Variants in TMEM135 observed in about 807,000 individuals in gnomAD.
TMEM135 encodes transmembrane protein 135, also known as peroxisomal membrane protein 52.
A neutral mutation model predicts 60.3 loss-of-function variants in TMEM135; 30 were observed. The ratio of observed to expected loss-of-function variants is 0.50; its 90% CI spans 0.37 to 0.68. The LOEUF (loss-of-function observed/expected upper bound fraction) is 0.68. TMEM135 is among the 30% of genes least tolerant of loss of function. TMEM135 has a pLI of 0.00. For missense variants in TMEM135, 468 were observed against 548.8 expected, an observed-to-expected ratio of 0.85 and a Z score of 1.47; for synonymous variants, 190 against 186.7, an observed-to-expected ratio of 1.02 and a Z score of -0.14.
chr11:87,191,987 C>CTTTTTTTTTTTTTTTTTTTTT (rs200969171), intron 5 of TMEM135, among the ~76,000 whole-genome samples: 9 of 77,190 alleles, frequency 1.2e-4, no homozygotes, highest in East Asian at 3.7e-4. Context: ...CTTTTCTTTT[C>CTTTTTTTTTTTTTTTTTTTTT]TTTTTTTTTT....
intron 5 of TMEM135, among the ~76,000 whole-genome samples, chr11:87,163,306 C>G (rs1372781264): frequency 7.0e-6 from 1 of 142,806 alleles, no homozygotes; most frequent in African/African-American, 2.6e-5. Flanking sequence ...TTTGTTCTTG[C>G]GATAGTTTAC....
chr11:87,287,790 A>G (rs1942194915), intron 6 of TMEM135, among the ~76,000 whole-genome samples: 1 of 152,216 alleles, frequency 6.6e-6, no homozygotes, highest in African/African-American at 2.4e-5. Context: ...TTCAGCCTAA[A>G]TCATTTATTT....
intron 6 of TMEM135, among the ~76,000 whole-genome samples, chr11:87,248,398 C>G (rs1941338627): frequency 6.6e-6 from 1 of 152,140 alleles, no homozygotes; most frequent in Non-Finnish European, 1.5e-5. Context: ...GCCATTTTAA[C>G]TAGGGTGAGA....
intron 14 of TMEM135, among the ~76,000 whole-genome samples, chr11:87,320,380 AT>A (rs1565171126): frequency 6.6e-6 from 1 of 152,094 alleles, no homozygotes; most frequent in African/African-American, 2.4e-5. Context: ...TTGTTTAATC[AT>A]TTTTTGTCAT....
intron 4 of TMEM135, among the ~76,000 whole-genome samples, chr11:87,114,207 T>C (rs190620434): frequency 3.0e-4 from 46 of 151,878 alleles, no homozygotes; most frequent in Admixed American, 3.0e-3. Flanking sequence ...AAGAGAAAAA[T>C]AACAGATCCT....
intron 4 of TMEM135, among the ~76,000 whole-genome samples, chr11:87,105,559 C>T (rs1236806137): frequency 2.6e-5 from 4 of 152,104 alleles, no homozygotes; most frequent in Non-Finnish European, 5.9e-5. Context: ...ACCATCCTCG[C>T]CTCCCAGGGT....
intron 4 of TMEM135, among the ~76,000 whole-genome samples, chr11:87,125,694 T>C (rs1039063390): frequency 3.9e-5 from 6 of 152,186 alleles, no homozygotes; most frequent in African/African-American, 1.2e-4. Flanking sequence ...CAAAAAGTGA[T>C]GTGATAGGAT....
At chr11:87,057,612 T>A (rs1175648231) in intron 1 of TMEM135, among the ~76,000 whole-genome samples, 1 of 152,218 alleles carries the variant, frequency 6.6e-6, no homozygotes, top group Non-Finnish European at 1.5e-5. Flanking sequence ...ATAGTGCACA[T>A]ATAAAAGCTT....
chr11:87,125,360 G>C (rs962343695), intron 4 of TMEM135, among the ~76,000 whole-genome samples: 4 of 152,152 alleles, frequency 2.6e-5, no homozygotes, highest in African/African-American at 9.7e-5. Context: ...GAGTAGTTGT[G>C]GGGGAGTAGA....
chr11:87,281,000 A>G (rs1344333567), intron 6 of TMEM135, among the ~76,000 whole-genome samples: 1 of 152,212 alleles, frequency 6.6e-6, no homozygotes, highest in Non-Finnish European at 1.5e-5. Context: ...GTATTAAGAA[A>G]TAGCTCCTAA....
intron 2 of TMEM135, among the ~76,000 whole-genome samples, chr11:87,068,665 G>C (rs934495032): frequency 1.3e-5 from 2 of 151,914 alleles, no homozygotes; most frequent in African/African-American, 4.8e-5. Flanking sequence ...CAAAAAATTA[G>C]CCGGGCGTGG....
At chr11:87,123,119 C>A (rs966996373) in intron 4 of TMEM135, among the ~76,000 whole-genome samples, 1 of 152,166 alleles carries the variant, frequency 6.6e-6, no homozygotes, top group African/African-American at 2.4e-5. Context: ...CAACAAATAT[C>A]ATTCTTTTGT....
intron 1 of TMEM135, among the ~76,000 whole-genome samples, chr11:87,059,389 C>G (rs997477531): frequency 6.6e-6 from 1 of 150,954 alleles, no homozygotes; most frequent in Admixed American, 6.6e-5. Flanking sequence ...ACTGCAATCT[C>G]TGCCTCCCAG....
At chr11:87,099,797 C>T (rs1317286746) in intron 4 of TMEM135, among the ~76,000 whole-genome samples, 1 of 150,400 alleles carries the variant, frequency 6.6e-6, no homozygotes, top group Non-Finnish European at 1.5e-5. Context: ...ATTCTCCTGC[C>T]TCAGCTTCCT....
At chr11:87,099,786 G>A (rs1857414155) in intron 4 of TMEM135, among the ~76,000 whole-genome samples, 1 of 148,898 alleles carries the variant, frequency 6.7e-6, no homozygotes, top group Non-Finnish European at 1.5e-5. Flanking sequence ...AGGTTCAAGC[G>A]ATTCTCCTGC....
At chr11:87,112,020 T>C (rs566172020) in intron 4 of TMEM135, among the ~76,000 whole-genome samples, 7 of 152,350 alleles carry the variant, frequency 4.6e-5, no homozygotes, top group African/African-American at 1.7e-4. Context: ...CTTGAGGCTT[T>C]TTAAATAGTG....
intron 6 of TMEM135, among the ~76,000 whole-genome samples, chr11:87,259,663 C>T (rs546606817): frequency 5.9e-5 from 9 of 152,152 alleles, no homozygotes; most frequent in African/African-American, 1.4e-4. Context: ...ACAAGTTCAT[C>T]TAAAATTCAC....
chr11:87,092,170 T>G (rs1242095855), intron 4 of TMEM135, among the ~76,000 whole-genome samples: 1 of 152,202 alleles, frequency 6.6e-6, no homozygotes, highest in Non-Finnish European at 1.5e-5. Flanking sequence ...TCTGTACTTT[T>G]GTGTTTCTGT....
In TMEM135 at chr11:87,097,244, G is replaced by A. The variant is rs151032792; in HGVS notation, c.396+5849G>A. Among the ~76,000 whole-genome samples, 107 of 152,222 alleles carry A rather than the reference G, an allele frequency of 7.0e-4. No homozygotes were observed. The East Asian group carries it at 0.016, about 23-fold the overall frequency. ...ACTCCTGACCTCAAGTGATCTGCCC[G>A]CCTCGGCCTCCCAAAGTGCTGGGAT... On this transcript the variant is annotated intron_variant, in intron 4 of 14. Coordinates refer to ENST00000305494, the MANE Select transcript of TMEM135 (RefSeq NM_022918.4).
Sources: gnomAD v4.1 joint callset for allele counts (sites outside exome capture counted in the v4.1 genomes callset) on GRCh38, gnomAD v4.1.1 for gene constraint, MANE v1.5 for transcripts, NCBI Gene and HGNC (gene_info 2026-07-23, HGNC 2026-07-21) for gene names.